Variants in CPLX2 observed in about 807,000 individuals in gnomAD.
CPLX2 encodes complexin 2.
Under a neutral mutation model 16.3 loss-of-function variants are expected in CPLX2, and 5 were observed. That is an observed-to-expected ratio of 0.31 (90% CI 0.16 to 0.64). The LOEUF is 0.64. Among genes scored for constraint, CPLX2 ranks in the 30% least tolerant of loss-of-function variants. The probability of loss-of-function intolerance (pLI) is 0.79; values close to 1 mark genes in which losing one functional copy is unlikely to be tolerated. For synonymous variants in CPLX2, 89 were observed against 73.2 expected (o/e 1.22, Z -1.10); for missense variants, 144 against 181.4 (o/e 0.79, Z 1.18).
At chr5:175,815,225 G>C (rs368212235) in intron 2 of CPLX2, among the ~76,000 whole-genome samples, 3 of 152,226 alleles carry the variant, frequency 2.0e-5, no homozygotes, top group Non-Finnish European at 4.4e-5. Context: ...GCTGCAGTGA[G>C]GGTCCTCCGA....
In CPLX2 at chr5:175,872,731, C is replaced by G. The variant is rs1236589154; in HGVS notation, c.-89+1026C>G. On this transcript the variant is annotated intron_variant, in intron 1 of 3. Transcript: ENST00000393745. The surrounding 1 kb of genome is among the most constrained non-coding windows in gnomAD (Gnocchi z 5.0). ...GGGGGAGGGGGTGGAGTGACATCCC[C>G]TGTCTCTGCCACTGCCTTTGGCGTA... is the stretch of plus-strand genomic sequence containing the variant. 1 of 152,310 alleles carries G rather than the reference C, an allele frequency of 6.6e-6. No individual in the cohort carries two copies. The highest frequency in any genetic ancestry group is 2.4e-5 in the African/African-American group (1 of 41,456). The allele number at this position is 152,310 out of a possible 1,614,324, so 9.4% of individuals were successfully genotyped here.
intron 2 of CPLX2, among the ~76,000 whole-genome samples, chr5:175,843,400 A>G (rs566204101): frequency 3.3e-5 from 5 of 152,326 alleles, no homozygotes; most frequent in East Asian, 3.9e-4. Flanking sequence ...ACACACACAC[A>G]CAGCGCTGTG....
chr5:175,877,477 A>C (rs1252356171), intron 1 of CPLX2, among the ~76,000 whole-genome samples: 1 of 151,928 alleles, frequency 6.6e-6, no homozygotes, highest in Non-Finnish European at 1.5e-5. Context: ...TTTCCCAGGA[A>C]CCCTTTTTCT....
intron 2 of CPLX2, among the ~76,000 whole-genome samples, chr5:175,851,072 G>A (rs1488104113): frequency 6.6e-6 from 1 of 151,964 alleles, no homozygotes; most frequent in East Asian, 1.9e-4. Flanking sequence ...GCCTGAGGTG[G>A]TTCTGGTGGG....
At chr5:175,828,708 C>A (rs1178053787) in intron 2 of CPLX2, among the ~76,000 whole-genome samples, 3 of 152,076 alleles carry the variant, frequency 2.0e-5, no homozygotes, top group Non-Finnish European at 4.4e-5. Context: ...CCTAGATAGC[C>A]CCCACAGCGT....
chr5:175,828,738 T>C (rs1186748106), intron 2 of CPLX2, among the ~76,000 whole-genome samples: 1 of 152,160 alleles, frequency 6.6e-6, no homozygotes, highest in African/African-American at 2.4e-5. Context: ...CTAAATACTT[T>C]GCCTTGCTCA....
chr5:175,878,473 G>C, intron 1 of CPLX2, 179 bp from the exon 2 acceptor site: 3 of 565,882 alleles, frequency 5.3e-6, no homozygotes, highest in Non-Finnish European at 9.4e-6. Context: ...CAGCACCTAC[G>C]TGTCTGCCCA....
chr5:175,877,115 G>C (rs1440288615), intron 1 of CPLX2, among the ~76,000 whole-genome samples: 4 of 152,096 alleles, frequency 2.6e-5, no homozygotes, highest in Non-Finnish European at 5.9e-5. Context: ...ATTTTGCAGG[G>C]AGCAAACTGA....
chr5:175,800,788 T>G (rs986925507), intron 1 of CPLX2, among the ~76,000 whole-genome samples: 1 of 152,212 alleles, frequency 6.6e-6, no homozygotes, highest in African/African-American at 2.4e-5. Flanking sequence ...TCTGTTCTCA[T>G]GGGGCTTACA....
chr5:175,797,869 A>T (rs1430292937), intron 1 of CPLX2, among the ~76,000 whole-genome samples: 1 of 152,216 alleles, frequency 6.6e-6, no homozygotes, highest in Non-Finnish European at 1.5e-5. Flanking sequence ...AGGTTCCCAA[A>T]CAGGGAAGCC....
chr5:175,860,585 G>GGGAAGGAAAGAAGGAA (rs1759353033), intron 2 of CPLX2, among the ~76,000 whole-genome samples: 1 of 95,610 alleles, frequency 1.0e-5, no homozygotes, highest in Non-Finnish European at 2.1e-5. Flanking sequence ...GAGGGAGGGA[G>GGGAAGGAAAGAAGGAA]GGAAGGAAGG....
In CPLX2 at chr5:175,831,540, G is replaced by C. The variant is rs1414731275; in HGVS notation, c.-89+22472G>C. 1.3e-5 allele frequency among the ~76,000 whole-genome samples: 2 copies of C among 152,226 alleles called. 1 individual carries two copies. Among genetic ancestry groups the C allele is most frequent in the Non-Finnish European group, 2.9e-5 (2 of 68,050 alleles). ...TGCTGAGAGGGGAAAAGTGTCTGAT[G>C]CAAGTGTCTCTGTTATGGGCTCTGA... On this transcript the variant is annotated intron_variant, in intron 2 of 4. Coordinates refer to the CPLX2 transcript ENST00000359546.
intron 1 of CPLX2, among the ~76,000 whole-genome samples, chr5:175,807,102 C>T (rs1181427353): frequency 2.0e-5 from 3 of 152,180 alleles, no homozygotes; most frequent in Non-Finnish European, 2.9e-5. Context: ...CCAGCAAGTG[C>T]GTGCTCAACG....
intron 1 of CPLX2, among the ~76,000 whole-genome samples, chr5:175,875,357 G>C (rs1232175921): frequency 6.6e-6 from 1 of 152,140 alleles, no homozygotes; most frequent in African/African-American, 2.4e-5. Flanking sequence ...ATTGGCTTCA[G>C]CCAGGAGAGG....
upstream of CPLX2, among the ~76,000 whole-genome samples, chr5:175,870,074 T>C (rs533117677): frequency 1.3e-3 from 194 of 152,282 alleles, no homozygotes; most frequent in Non-Finnish European, 2.2e-3. Context: ...TCTAAGTCAC[T>C]CTAATCAAAG....
chr5:175,821,671 G>A (rs1581075663), intron 2 of CPLX2, among the ~76,000 whole-genome samples: 2 of 152,164 alleles, frequency 1.3e-5, no homozygotes, highest in East Asian at 3.8e-4. Flanking sequence ...GCCTCCCAAA[G>A]TGCTGGGATT....
intron 2 of CPLX2, among the ~76,000 whole-genome samples, chr5:175,840,699 T>C (rs773410887): frequency 1.3e-5 from 2 of 152,208 alleles, no homozygotes; most frequent in Non-Finnish European, 2.9e-5. Flanking sequence ...CTTTGCAGGA[T>C]TGACAGGGTC....
intron 2 of CPLX2, among the ~76,000 whole-genome samples, chr5:175,821,906 G>A (rs895756668): frequency 6.6e-6 from 1 of 152,198 alleles, no homozygotes; most frequent in African/African-American, 2.4e-5. Flanking sequence ...AGTGGCCAGT[G>A]TGATAAAGGA....
chr5:175,857,177 T>A (rs1042174962), intron 2 of CPLX2, among the ~76,000 whole-genome samples: 1 of 152,176 alleles, frequency 6.6e-6, no homozygotes, highest in Non-Finnish European at 1.5e-5. Context: ...CATTCTGTCC[T>A]GGGAACAAGC....
Sources: gnomAD v4.1 joint callset for allele counts (sites outside exome capture counted in the v4.1 genomes callset) on GRCh38, gnomAD v4.1.1 for gene constraint, Gnocchi (gnomAD v3.1) non-coding constraint, MANE v1.5 for transcripts, NCBI Gene and HGNC (gene_info 2026-07-23, HGNC 2026-07-21) for gene names.